COL5A2: variants seen among roughly 807,000 people sequenced by gnomAD.
The protein encoded by COL5A2 is collagen alpha-2(V) chain.
A neutral mutation model predicts 208.2 loss-of-function variants in COL5A2; 23 were observed. The ratio of observed to expected loss-of-function variants is 0.11; its 90% CI spans 0.08 to 0.16. COL5A2 has a LOEUF of 0.16. COL5A2 is among the 10% of genes least tolerant of loss of function. The pLI is 1.00. For synonymous variants in COL5A2, 625 were observed against 628.5 expected (o/e 0.99, Z 0.08); for missense variants, 1,590 against 1,956.4 (o/e 0.81, Z 3.53).
At chr2:189,211,394 T>C (rs371844304) in intron 1 of COL5A2, among the ~76,000 whole-genome samples, 11 of 152,182 alleles carry the variant, frequency 7.2e-5, no homozygotes, top group African/African-American at 2.7e-4. Context: ...AAAACTTTTC[T>C]CACCTTAAGT....
At chr2:189,163,721 C>T (rs981487720) in intron 1 of COL5A2, among the ~76,000 whole-genome samples, 1 of 152,192 alleles carries the variant, frequency 6.6e-6, no homozygotes, top group Non-Finnish European at 1.5e-5. Context: ...TGTATTACAG[C>T]ACAAATATGA....
the COL5A2 span, among the ~76,000 whole-genome samples, chr2:189,258,852 A>G: frequency 1.3e-5 from 2 of 152,150 alleles, no homozygotes; most frequent in African/African-American, 2.4e-5. Context: ...CTGACAGCCA[A>G]TGAGCCAGGG....
chr2:189,140,554 T>C (rs867689222), intron 1 of COL5A2, among the ~76,000 whole-genome samples: 4 of 152,078 alleles, frequency 2.6e-5, no homozygotes, highest in Non-Finnish European at 4.4e-5. Context: ...TATATGCACA[T>C]ATATATATAG....
At chr2:189,302,913 A>G in the COL5A2 span, among the ~76,000 whole-genome samples, 3 of 152,188 alleles carry the variant, frequency 2.0e-5, no homozygotes, top group Non-Finnish European at 4.4e-5. Flanking sequence ...GATGCTTTCA[A>G]TTTGGATATG....
At chr2:189,104,923 T>A (rs560155082) in intron 2 of COL5A2, among the ~76,000 whole-genome samples, 1 of 151,862 alleles carries the variant, frequency 6.6e-6, no homozygotes, top group Admixed American at 6.6e-5. Context: ...TTTTTCTTAA[T>A]TTTTTTATAA....
the COL5A2 span, among the ~76,000 whole-genome samples, chr2:189,348,222 TG>T: frequency 6.6e-6 from 1 of 152,114 alleles, no homozygotes; most frequent in Non-Finnish European, 1.5e-5. Flanking sequence ...ACATAAGGTT[TG>T]AATCAAAAAT....
chr2:189,079,124 A>G lies in COL5A2; in HGVS notation c.961-17T>C. ...AGCTTCACCCTAAAAAAAAATGAGA[A>G]TACATTACAGTATGAGAAGCCTACA... is the stretch of plus-strand genomic sequence containing the variant. On this transcript the variant is annotated splice_polypyrimidine_tract_variant and intron_variant, in intron 14 of 53. Coordinates refer to ENST00000374866, the MANE Select transcript of COL5A2 (RefSeq NM_000393.5). 6.2e-7 allele frequency: 1 copy of G among 1,605,374 alleles called. No homozygotes were observed. The highest frequency in any genetic ancestry group is 8.5e-7 in the Non-Finnish European group (1 of 1,172,306).
At chr2:189,434,488 G>T in the COL5A2 span, among the ~76,000 whole-genome samples, 3 of 152,122 alleles carry the variant, frequency 2.0e-5, no homozygotes, top group South Asian at 6.2e-4. Context: ...AAAGTCTCAG[G>T]ATACAAAATC....
chr2:189,395,914 A>C, the COL5A2 span, among the ~76,000 whole-genome samples: 184 of 150,388 alleles, frequency 1.2e-3, 1 homozygote, highest in African/African-American at 4.2e-3. Flanking sequence ...AAAAAAAAAA[A>C]AAAAAAAAAA....
At chr2:189,141,547 G>A (rs557214388) in intron 1 of COL5A2, among the ~76,000 whole-genome samples, 64 of 152,076 alleles carry the variant, frequency 4.2e-4, no homozygotes, top group African/African-American at 1.5e-3. Flanking sequence ...TTTATTTATG[G>A]CTCCGGTTAA....
the COL5A2 span, among the ~76,000 whole-genome samples, chr2:189,274,716 A>G: frequency 2.0e-5 from 3 of 152,170 alleles, no homozygotes; most frequent in Non-Finnish European, 4.4e-5. Context: ...AAATTGTATC[A>G]AAAAGAGAAT....
the COL5A2 span, among the ~76,000 whole-genome samples, chr2:189,395,545 T>C: frequency 1.3e-5 from 2 of 152,054 alleles, no homozygotes; most frequent in African/African-American, 4.8e-5. Flanking sequence ...GTAATGAAAA[T>C]ATAGCTCACT....
At chr2:189,289,664 A>T in the COL5A2 span, among the ~76,000 whole-genome samples, 1 of 152,226 alleles carries the variant, frequency 6.6e-6, no homozygotes, top group South Asian at 2.1e-4. Context: ...AAGCTGCTAG[A>T]ATAAACAAAT....
At chr2:189,043,351 C>A in intron 47 of COL5A2, 93 bp from the exon 48 acceptor site, 1 of 832,148 alleles carries the variant, frequency 1.2e-6, no homozygotes, top group Non-Finnish European at 1.9e-6. Context: ...ATTGTATTTA[C>A]TACAATTTTG....
At chr2:189,354,312 A>T in the COL5A2 span, among the ~76,000 whole-genome samples, 1 of 152,036 alleles carries the variant, frequency 6.6e-6, no homozygotes, top group African/African-American at 2.4e-5. Flanking sequence ...GTCAGGGTGG[A>T]TTCCCTCTTT....
the COL5A2 span, among the ~76,000 whole-genome samples, chr2:189,249,310 T>G: frequency 1.3e-5 from 2 of 152,182 alleles, no homozygotes; most frequent in Admixed American, 6.5e-5. Flanking sequence ...AATGAAAAGC[T>G]TAAATTCTTT....
Position 189,048,233 on chromosome 2 carries a change from T to C in COL5A2, c.3177A>G (p.Gly1059=). The part of the protein sequence containing the change: ...EGPAGNDGTP[G]RDGAVGERGD... ...CACGTTCTCCAACAGCACCATCCCG[T>C]CCTGGGGTACCATCATTGCCAGCTG... Residue 1059 remains glycine (G), a synonymous_variant, in exon 45 of 54, where the codon GGA becomes GGG. Transcript: ENST00000374866. The C allele has an allele frequency of 1.2e-6, 2 of 1,614,058 alleles. No homozygotes were observed. The highest frequency in any genetic ancestry group is 1.7e-6 in the Non-Finnish European group (2 of 1,179,954).
the COL5A2 span, among the ~76,000 whole-genome samples, chr2:189,384,004 C>T: frequency 6.6e-6 from 1 of 152,032 alleles, no homozygotes. Flanking sequence ...TGAGAACATG[C>T]AATATTTTTC....
the COL5A2 span, among the ~76,000 whole-genome samples, chr2:189,244,216 T>C: frequency 6.6e-6 from 1 of 152,240 alleles, no homozygotes; most frequent in African/African-American, 2.4e-5. Context: ...CTTGAATTTC[T>C]CTTCAGAAAA....
Sources: allele counts gnomAD v4.1 joint callset (sites outside exome capture counted in the v4.1 genomes callset), GRCh38; gene constraint gnomAD v4.1.1; transcripts MANE v1.5; gene names NCBI Gene and HGNC (gene_info 2026-07-23, HGNC 2026-07-21).